Variants in CACNA2D1 observed in about 807,000 individuals in gnomAD.
CACNA2D1 encodes the protein calcium voltage-gated channel auxiliary subunit alpha2delta 1.
In CACNA2D1, 53 loss-of-function variants were observed where a neutral mutation model predicts 171.5. The observed-to-expected ratio is 0.31, with a 90% CI of 0.25 to 0.39. CACNA2D1 has a LOEUF of 0.39. Among genes scored for constraint, CACNA2D1 ranks in the 10% least tolerant of loss-of-function variants. The probability of loss-of-function intolerance (pLI) is 1.00; values close to 1 mark genes in which losing one functional copy is unlikely to be tolerated. For synonymous variants in CACNA2D1, 442 were observed against 443.1 expected (o/e 1.00, Z 0.03); for missense variants, 903 against 1,299.8 (o/e 0.69, Z 4.69).
chr7:81,962,959 A>G (rs1358755780), intron 34 of CACNA2D1, among the ~76,000 whole-genome samples: 6 of 152,066 alleles, frequency 3.9e-5, no homozygotes, highest in Non-Finnish European at 7.4e-5. Flanking sequence ...ATTTGTAAAT[A>G]TGTAATGTAA....
chr7:82,128,418 C>T (rs181455828), intron 5 of CACNA2D1, among the ~76,000 whole-genome samples: 50 of 152,194 alleles, frequency 3.3e-4, no homozygotes, highest in Middle Eastern at 3.4e-3. Flanking sequence ...AGTGGAGGAA[C>T]GTAGATAACT....
Position 81,963,671 on chromosome 7 carries a change from T to C in CACNA2D1, c.2780+385A>G, listed in dbSNP as rs145044561. Among the ~76,000 whole-genome samples the C allele has an allele frequency of 9.6e-3, 1,453 of 152,094 alleles. 11 individuals are homozygous for C. The highest frequency in any genetic ancestry group is 0.015 in the Non-Finnish European group (1,004 of 67,952). On this transcript the variant is annotated intron_variant, in intron 34 of 38. Coordinates refer to ENST00000356860, the MANE Select transcript of CACNA2D1 (RefSeq NM_000722.4). Reference sequence around the variant, plus strand: ...GCCATCATGCCATGAATTTGATGCATGTAGACATCCAACTGGGATATTAAA... The same window carrying C: ...GCCATCATGCCATGAATTTGATGCACGTAGACATCCAACTGGGATATTAAA...
chr7:82,388,645 A>G (rs950272150), intron 1 of CACNA2D1, among the ~76,000 whole-genome samples: 9 of 152,186 alleles, frequency 5.9e-5, no homozygotes, highest in African/African-American at 1.9e-4. Flanking sequence ...TGTGAGGGGA[A>G]AAAAAGTTTG....
At position 81,994,284 on chromosome 7, in the gene CACNA2D1, TATG is replaced by T. The variant is rs375925499; in HGVS notation, c.1734+581_1734+583del. Among the ~76,000 whole-genome samples, 110 of 152,236 alleles carry T rather than the reference TATG, an allele frequency of 7.2e-4. 3 individuals carry two copies. The East Asian group carries it at 0.018, about 25-fold the overall frequency. Reference sequence around the variant, plus strand: ...CTGACTGATAATAGATATACTCCAATATGATAATAGACATAAACCAATTATTTG... The same window carrying T: ...CTGACTGATAATAGATATACTCCAATATAATAGACATAAACCAATTATTTG... On this transcript the variant is annotated intron_variant, in intron 20 of 38. Coordinates refer to ENST00000356860, the MANE Select transcript of CACNA2D1 (RefSeq NM_000722.4).
At chr7:81,955,314 C>T (rs984035723) in intron 38 of CACNA2D1, among the ~76,000 whole-genome samples, 1 of 152,084 alleles carries the variant, frequency 6.6e-6, no homozygotes, top group African/African-American at 2.4e-5. Context: ...TAGTTTTAGC[C>T]AGACTACATT....
intron 5 of CACNA2D1, among the ~76,000 whole-genome samples, chr7:82,125,332 T>C (rs1278204871): frequency 1.3e-5 from 2 of 152,220 alleles, no homozygotes; most frequent in Non-Finnish European, 2.9e-5. Flanking sequence ...CTGCTTTCTT[T>C]TTGCTTACTC....
chr7:82,393,206 C>T (rs1825389861), intron 1 of CACNA2D1, among the ~76,000 whole-genome samples: 1 of 151,800 alleles, frequency 6.6e-6, no homozygotes, highest in Non-Finnish European at 1.5e-5. Context: ...TGCCTTGAAA[C>T]AGCACTTGCA....
intron 1 of CACNA2D1, among the ~76,000 whole-genome samples, chr7:82,398,595 T>G (rs936979612): frequency 6.7e-6 from 1 of 148,214 alleles, no homozygotes; most frequent in Non-Finnish European, 1.5e-5. Context: ...TTTTTTTTTT[T>G]CAGATAGGGT....
chr7:82,043,243 T>C (rs1383553626), intron 10 of CACNA2D1, among the ~76,000 whole-genome samples: 2 of 152,088 alleles, frequency 1.3e-5, no homozygotes, highest in Non-Finnish European at 2.9e-5. Flanking sequence ...AAAGTACAAA[T>C]ACTCTGTCCA....
intron 7 of CACNA2D1, among the ~76,000 whole-genome samples, chr7:82,074,662 G>A (rs1490109213): frequency 6.6e-6 from 1 of 152,084 alleles, no homozygotes; most frequent in Admixed American, 6.5e-5. Flanking sequence ...AGAATCCTCA[G>A]GATATCTCAG....
intron 10 of CACNA2D1, among the ~76,000 whole-genome samples, chr7:82,048,528 A>G (rs1804813184): frequency 6.6e-6 from 1 of 152,168 alleles, no homozygotes; most frequent in Non-Finnish European, 1.5e-5. Flanking sequence ...TCAAGCTATA[A>G]TATATACATC....
At chr7:82,294,452 A>C (rs933713837) in intron 3 of CACNA2D1, among the ~76,000 whole-genome samples, 1 of 147,104 alleles carries the variant, frequency 6.8e-6, no homozygotes, top group South Asian at 2.1e-4. Flanking sequence ...ATTTATTTTT[A>C]CTATAATTAA....
intron 3 of CACNA2D1, among the ~76,000 whole-genome samples, chr7:82,216,589 A>G (rs1487991992): frequency 2.6e-5 from 4 of 152,138 alleles, no homozygotes; most frequent in Non-Finnish European, 5.9e-5. Context: ...TTCAAAAATC[A>G]AACTGCTGAT....
chr7:82,152,871 G>T (rs1158085996), intron 4 of CACNA2D1, among the ~76,000 whole-genome samples: 1 of 151,764 alleles, frequency 6.6e-6, no homozygotes, highest in Non-Finnish European at 1.5e-5. Flanking sequence ...ATTGGGCATT[G>T]TTCATTTAAT....
chr7:82,067,561 T>C (rs760506073), intron 7 of CACNA2D1, among the ~76,000 whole-genome samples: 1 of 152,332 alleles, frequency 6.6e-6, no homozygotes, highest in East Asian at 1.9e-4. Flanking sequence ...AAATGATTTA[T>C]TTGTTCTAAA....
intron 3 of CACNA2D1, among the ~76,000 whole-genome samples, chr7:82,207,002 A>G (rs1242423461): frequency 6.6e-6 from 1 of 152,238 alleles, no homozygotes; most frequent in Non-Finnish European, 1.5e-5. Flanking sequence ...AAAATTGCAA[A>G]AACTCCCTTT....
chr7:82,124,740 C>T (rs1021759175), intron 5 of CACNA2D1, among the ~76,000 whole-genome samples: 1 of 152,174 alleles, frequency 6.6e-6, no homozygotes, highest in South Asian at 2.1e-4. Context: ...TTGCTTTCTG[C>T]ATTTTATCCA....
chr7:82,376,990 T>G (rs1823087249), intron 1 of CACNA2D1, among the ~76,000 whole-genome samples: 1 of 152,212 alleles, frequency 6.6e-6, no homozygotes, highest in Non-Finnish European at 1.5e-5. Flanking sequence ...TACATGCTGT[T>G]TGCCTACTTC....
intron 3 of CACNA2D1, among the ~76,000 whole-genome samples, chr7:82,298,385 A>G (rs1267760956): frequency 1.3e-5 from 2 of 152,202 alleles, no homozygotes; most frequent in Admixed American, 1.3e-4. Context: ...CTAAGCTTAT[A>G]TATTTCAGAA....
Sources: gnomAD v4.1 joint callset for allele counts (sites outside exome capture counted in the v4.1 genomes callset) on GRCh38, gnomAD v4.1.1 for gene constraint, MANE v1.5 for transcripts, NCBI Gene and HGNC (gene_info 2026-07-23, HGNC 2026-07-21) for gene names.